The following PBX1 variants were observed in gnomAD, a reference collection of about 807,000 sequenced individuals.
The protein encoded by PBX1 is PBX homeobox 1, also known as pre-B-cell leukemia transcription factor 1.
A neutral mutation model predicts 53.4 loss-of-function variants in PBX1; 6 were observed. The ratio of observed to expected loss-of-function variants is 0.11; its 90% CI spans 0.06 to 0.22. The LOEUF (loss-of-function observed/expected upper bound fraction) is 0.22, where lower values mean the gene tolerates loss of function less well. Among genes scored for constraint, PBX1 ranks in the 10% least tolerant of loss-of-function variants. The probability of loss-of-function intolerance (pLI) is 1.00; values close to 1 mark genes in which losing one functional copy is unlikely to be tolerated. For missense variants in PBX1, 251 were observed against 551.4 expected (o/e 0.46, Z 5.46); for synonymous variants, 204 against 212.3 (o/e 0.96, Z 0.34).
chr1:164,819,899 T>G (rs564324134), intron 6 of PBX1, 173 bp from the exon 7 acceptor site: 50 of 572,408 alleles, frequency 8.7e-5, no homozygotes, highest in Admixed American at 2.8e-4. Context: ...TATGCACCCT[T>G]TATTGCTTGC....
At chr1:164,806,015 G>T (rs1430671657) in intron 4 of PBX1, among the ~76,000 whole-genome samples, 1 of 152,196 alleles carries the variant, frequency 6.6e-6, no homozygotes, top group Non-Finnish European at 1.5e-5. Flanking sequence ...AGTGCTTTCT[G>T]TTGGCTAAAT....
intron 2 of PBX1, chr1:164,684,424 A>G (rs555445433): frequency 2.6e-5 from 4 of 152,358 alleles, no homozygotes; most frequent in South Asian, 4.1e-4. Context: ...TCTATGCTTT[A>G]CTGCTTTCCC....
chr1:164,786,755 T>A, intron 2 of PBX1, among the ~76,000 whole-genome samples: 1 of 149,414 alleles, frequency 6.7e-6, no homozygotes, highest in Non-Finnish European at 1.5e-5. Context: ...AGAATAGATA[T>A]CACATCCATG....
intron 8 of PBX1, 140 bp from the exon 9 acceptor site, chr1:164,846,444 A>G: frequency 1.4e-6 from 1 of 735,748 alleles, no homozygotes; most frequent in Non-Finnish European, 2.4e-6. Flanking sequence ...CACCCACAGT[A>G]ATAGTTGCCC....
chr1:164,757,467 C>T (rs1016675433), intron 2 of PBX1, among the ~76,000 whole-genome samples: 4 of 152,140 alleles, frequency 2.6e-5, no homozygotes, highest in Admixed American at 6.5e-5. Flanking sequence ...TAGGGAAGAT[C>T]AAGGGGTTCC....
At chr1:164,843,421 C>CT (rs1363722363) in intron 8 of PBX1, among the ~76,000 whole-genome samples, 2 of 152,076 alleles carry the variant, frequency 1.3e-5, no homozygotes, top group Admixed American at 6.6e-5. Flanking sequence ...TTTGCTCAGG[C>CT]TGTTGGGGTC....
At chr1:164,804,595 C>T (rs1669245990) in intron 4 of PBX1, among the ~76,000 whole-genome samples, 1 of 152,150 alleles carries the variant, frequency 6.6e-6, no homozygotes, top group African/African-American at 2.4e-5. Context: ...TACTCTTGGA[C>T]AGCACTAGTC....
chr1:164,732,912 C>T (rs1282756858), intron 2 of PBX1, among the ~76,000 whole-genome samples: 2 of 152,194 alleles, frequency 1.3e-5, no homozygotes, highest in Non-Finnish European at 2.9e-5. Context: ...CCTCAACCCA[C>T]TTTGGTCTTC....
intron 8 of PBX1, among the ~76,000 whole-genome samples, chr1:164,827,920 G>T (rs910705253): frequency 3.3e-5 from 5 of 152,226 alleles, no homozygotes; most frequent in Admixed American, 3.3e-4. Context: ...TCTGATGTCA[G>T]TCAGGGTACA....
Position 164,848,387 on chromosome 1 carries a change from A to ACT in PBX1, c.*1712_*1713dup. On this transcript the variant is annotated 3_prime_UTR_variant, in exon 9 of 9. Coordinates refer to ENST00000420696, the MANE Select transcript of PBX1 (RefSeq NM_002585.4). ...AGATGGGAACTGTTATGCCTGGCTT[A>ACT]CTAAGAGTCTTGTGAGAGACTGAGA... 1 of 1,055,472 alleles carries ACT rather than the reference A, an allele frequency of 9.5e-7. No homozygotes were observed. The highest frequency in any genetic ancestry group is 1.1e-6 in the Non-Finnish European group (1 of 873,030). The allele number at this position is 1,055,472 out of a possible 1,614,324, so 65.4% of individuals were successfully genotyped here. A position where few individuals can be genotyped will look rare whatever the true frequency, so the allele number is the denominator to read the frequency against.
Position 164,878,141 on chromosome 1 carries a change from C to T in PBX1, n.258-21047C>T, listed in dbSNP as rs115414889. Reference sequence around the variant, plus strand: ...TTAGCTTTGGACTCAGTTTAGAGTTCGAATTCCAGTTCTGTCATTTGTTAT... The same window carrying T: ...TTAGCTTTGGACTCAGTTTAGAGTTTGAATTCCAGTTCTGTCATTTGTTAT... On this transcript the variant is annotated intron_variant and non_coding_transcript_variant, in intron 2 of 2. Transcript: ENST00000558796. Among the ~76,000 whole-genome samples the T allele has an allele frequency of 2.9e-3, 443 of 152,210 alleles. 1 individual carries two copies. The highest frequency in any genetic ancestry group is 0.01 in the African/African-American group (425 of 41,532).
At position 164,559,323 on chromosome 1, in the gene PBX1, C is replaced by T. The variant is rs1222764102; in HGVS notation, c.-500C>T. On this transcript the variant is annotated 5_prime_UTR_variant, in exon 1 of 9. Transcript: ENST00000420696. ...CACCCCCTTTGAGATCACTCTGGCC[C>T]GGAGTGGGGGTGGGGGGCAGCGGGG... 1 of 115,944 alleles carries T rather than the reference C, an allele frequency of 8.6e-6. No individual in the cohort carries two copies. The highest frequency in any genetic ancestry group is 1.1e-4 in the East Asian group (1 of 9,432). The allele number at this position is 115,944 out of a possible 1,614,324, so 7.2% of individuals were successfully genotyped here.
intron 2 of PBX1, chr1:164,590,417 C>G (rs140741365): frequency 2.2e-6 from 1 of 455,828 alleles, no homozygotes; most frequent in African/African-American, 2.0e-5. Context: ...CAATCGCCGC[C>G]GCCCCCCTGT....
chr1:164,667,174 C>G (rs971593256), intron 2 of PBX1, among the ~76,000 whole-genome samples: 4 of 152,170 alleles, frequency 2.6e-5, no homozygotes, highest in South Asian at 4.1e-4. Flanking sequence ...CTTCATGAAC[C>G]TTGGCCTTGT....
At chr1:164,774,593 G>A (rs1667554527) in intron 2 of PBX1, 2 of 152,194 alleles carry the variant, frequency 1.3e-5, no homozygotes, top group African/African-American at 2.4e-5. Flanking sequence ...CCAAGTGAGG[G>A]CGGAGTTTGC....
chr1:164,810,442 C>T (rs1669551942), intron 5 of PBX1, among the ~76,000 whole-genome samples: 1 of 152,108 alleles, frequency 6.6e-6, no homozygotes, highest in Non-Finnish European at 1.5e-5. Context: ...GGTATCATTC[C>T]CACAACATGT....
At chr1:164,582,385 C>A (rs1198855567) in intron 2 of PBX1, among the ~76,000 whole-genome samples, 1 of 151,826 alleles carries the variant, frequency 6.6e-6, no homozygotes, top group Non-Finnish European at 1.5e-5. Flanking sequence ...AGATTTTTTT[C>A]CTGGTACTGG....
chr1:164,631,540 A>T (rs917221061), intron 2 of PBX1, among the ~76,000 whole-genome samples: 1 of 152,204 alleles, frequency 6.6e-6, no homozygotes, highest in African/African-American at 2.4e-5. Flanking sequence ...CACTTACTTA[A>T]TTCATTATTT....
intron 2 of PBX1, chr1:164,884,559 T>C (rs532976924): frequency 9.7e-6 from 5 of 515,716 alleles, no homozygotes; most frequent in Non-Finnish European, 1.9e-5. Context: ...CAAGAACCTA[T>C]TGATGGCTTG....
Sources: allele counts gnomAD v4.1 joint callset (sites outside exome capture counted in the v4.1 genomes callset), GRCh38; gene constraint gnomAD v4.1.1; transcripts MANE v1.5; gene names NCBI Gene and HGNC (gene_info 2026-07-23, HGNC 2026-07-21).